DLGAP1: variants seen among roughly 807,000 people sequenced by gnomAD.
DLGAP1 encodes the protein disks large-associated protein 1.
DLGAP1 carries 11 observed loss-of-function variants against 90.8 expected under a neutral mutation model. The ratio of observed to expected loss-of-function variants is 0.12; its 90% CI spans 0.08 to 0.20. DLGAP1 has a LOEUF of 0.20. Ranked by LOEUF, DLGAP1 falls within the 10% of genes least tolerant of loss-of-function variation. DLGAP1 has a pLI of 1.00. For synonymous variants in DLGAP1, 558 were observed against 540.7 expected (o/e 1.03, Z -0.44); for missense variants, 1,050 against 1,333.8 (o/e 0.79, Z 3.31).
At position 4,054,153 on chromosome 18, in the gene DLGAP1, G is replaced by A. The variant is rs149502309; in HGVS notation, c.-158-48952C>T. Reference sequence around the variant, plus strand: ...GAACTTTCTCTCATGATTCTCACTCGCTCCCTGATCTTTTAGGTCTGAATA... The same window carrying A: ...GAACTTTCTCTCATGATTCTCACTCACTCCCTGATCTTTTAGGTCTGAATA... On this transcript the variant is annotated intron_variant, in intron 2 of 12. Transcript: ENST00000315677. Among the ~76,000 whole-genome samples, 692 of 152,208 alleles carry A rather than the reference G, an allele frequency of 4.5e-3. 1 individual carries two copies. The highest frequency in any genetic ancestry group is 6.1e-3 in the Non-Finnish European group (413 of 68,010).
At chr18:4,202,539 G>A (rs943816894) in intron 1 of DLGAP1, among the ~76,000 whole-genome samples, 7 of 152,088 alleles carry the variant, frequency 4.6e-5, no homozygotes, top group African/African-American at 1.7e-4. Flanking sequence ...AAAGATCAAA[G>A]CTAGTTGAAA....
At chr18:3,932,116 A>T (rs1783232152) in intron 3 of DLGAP1, among the ~76,000 whole-genome samples, 1 of 152,176 alleles carries the variant, frequency 6.6e-6, no homozygotes, top group Non-Finnish European at 1.5e-5. Context: ...ATACTTAAGC[A>T]TCCTAATAAG....
chr18:3,633,456 G>C (rs1228328407), intron 7 of DLGAP1, among the ~76,000 whole-genome samples: 1 of 151,938 alleles, frequency 6.6e-6, no homozygotes, highest in Non-Finnish European at 1.5e-5. Flanking sequence ...GATAGGGAGG[G>C]GGAGTGCTTT....
At chr18:3,802,292 T>C (rs13381808) in intron 5 of DLGAP1, among the ~76,000 whole-genome samples, 11 of 152,220 alleles carry the variant, frequency 7.2e-5, no homozygotes, top group African/African-American at 2.6e-4. Flanking sequence ...ACGCAGGCCA[T>C]CTTTCTAAAA....
chr18:4,442,849 C>A (rs372588135), intron 1 of DLGAP1, among the ~76,000 whole-genome samples: 2 of 152,190 alleles, frequency 1.3e-5, no homozygotes, highest in South Asian at 2.1e-4. Context: ...CCGACTGGGA[C>A]GTATGCTCCA....
chr18:3,951,984 C>G (rs1831348006), intron 3 of DLGAP1, among the ~76,000 whole-genome samples: 1 of 152,094 alleles, frequency 6.6e-6, no homozygotes, highest in Non-Finnish European at 1.5e-5. Flanking sequence ...AACTGAGTAT[C>G]AGTTTTACTG....
intron 2 of DLGAP1, among the ~76,000 whole-genome samples, chr18:4,068,073 C>T (rs939112775): frequency 6.6e-6 from 1 of 151,928 alleles, no homozygotes; most frequent in Non-Finnish European, 1.5e-5. Flanking sequence ...ATGATCAAAG[C>T]ACACCCTCCT....
chr18:4,310,912 GGCCTTACAGAACACCGTAGGT>G (rs1171384302), intron 1 of DLGAP1, among the ~76,000 whole-genome samples: 3 of 152,212 alleles, frequency 2.0e-5, no homozygotes, highest in East Asian at 3.9e-4. Flanking sequence ...TTGTTTAGAA[GGCCTTACAGAACACCGTAGGT>G]GCCTTACAGA....
chr18:4,115,448 T>A (rs1476680209), intron 2 of DLGAP1, among the ~76,000 whole-genome samples: 1 of 152,002 alleles, frequency 6.6e-6, no homozygotes, highest in Non-Finnish European at 1.5e-5. Flanking sequence ...TTTCTGTGGA[T>A]TTGAACTACC....
At chr18:3,871,164 C>T (rs1399344829) in intron 4 of DLGAP1, among the ~76,000 whole-genome samples, 1 of 152,238 alleles carries the variant, frequency 6.6e-6, no homozygotes, top group Admixed American at 6.5e-5. Flanking sequence ...CCAGGTTCCA[C>T]TGGCAAGATG....
In DLGAP1 at chr18:4,265,558, CTTCCT is replaced by C. The variant is rs1446505225; in HGVS notation, c.-266-114276_-266-114272del. ...TTCCTTCCCTCCCCTTCCTTCCTTC[CTTCCT>C]TTCCTTTCCTTTTTCTTTGTTTCTT... On this transcript the variant is annotated intron_variant, in intron 1 of 12. Transcript: ENST00000315677. Among the ~76,000 whole-genome samples, 53 of 133,766 alleles carry C rather than the reference CTTCCT, an allele frequency of 4.0e-4. 3 individuals carry two copies. Among genetic ancestry groups the C allele is most frequent in the South Asian group, 1.7e-3 (7 of 4,068 alleles). 87.8% of individuals were successfully genotyped at this position (133,766 alleles called of 152,430 possible).
At chr18:3,582,855 C>G (rs1285359091) in intron 7 of DLGAP1, among the ~76,000 whole-genome samples, 1 of 102,798 alleles carries the variant, frequency 9.7e-6, no homozygotes, top group South Asian at 4.1e-4. Flanking sequence ...CCCCCTCCCT[C>G]CCTCCCTCCT....
intron 1 of DLGAP1, among the ~76,000 whole-genome samples, chr18:4,281,716 C>T (rs1231334758): frequency 6.6e-6 from 1 of 152,048 alleles, no homozygotes; most frequent in Non-Finnish European, 1.5e-5. Context: ...TCAGGCTTTC[C>T]CTCAAAAATA....
rs141923777 is a variant in DLGAP1, at chr18:4,144,567, T to C, written c.-159+6613A>G. On this transcript the variant is annotated intron_variant, in intron 2 of 12. Transcript: ENST00000315677. The stretch of plus-strand genomic sequence containing the variant: ...GATATGAAGTTAACACCAGGTACTG[T>C]GACCACTCACCTGATTTTTAGTTCT... Among the ~76,000 whole-genome samples the C allele has an allele frequency of 1.8e-4, 27 of 152,338 alleles. No homozygotes were observed. The East Asian group carries it at 3.1e-3, about 17-fold the overall frequency.
chr18:4,241,016 A>G (rs1460659489), intron 1 of DLGAP1, among the ~76,000 whole-genome samples: 1 of 152,226 alleles, frequency 6.6e-6, no homozygotes, highest in African/African-American at 2.4e-5. Flanking sequence ...ACTGAGAACT[A>G]AAGGAGAAAA....
intron 1 of DLGAP1, among the ~76,000 whole-genome samples, chr18:4,443,265 C>T (rs2083580325): frequency 6.6e-6 from 1 of 152,178 alleles, no homozygotes; most frequent in South Asian, 2.1e-4. Context: ...AATGTAGCTA[C>T]TTAGCAATTA....
intron 4 of DLGAP1, among the ~76,000 whole-genome samples, chr18:3,821,211 G>T (rs1422286647): frequency 7.0e-6 from 1 of 142,208 alleles, no homozygotes; most frequent in Non-Finnish European, 1.5e-5. Context: ...GATTGCTTGA[G>T]CCCAAGAGTT....
chr18:3,576,073 C>T (rs1015421882), intron 8 of DLGAP1, among the ~76,000 whole-genome samples: 1 of 152,174 alleles, frequency 6.6e-6, no homozygotes, highest in African/African-American at 2.4e-5. Context: ...CCATCTTCTA[C>T]ATTTAGCTGC....
chr18:4,052,372 C>T (rs1210127279), intron 2 of DLGAP1, among the ~76,000 whole-genome samples: 1 of 152,116 alleles, frequency 6.6e-6, no homozygotes, highest in Admixed American at 6.5e-5. Context: ...CTTCTGCGCA[C>T]CCACAGGACC....
Sources: allele counts gnomAD v4.1 joint callset (sites outside exome capture counted in the v4.1 genomes callset), GRCh38; gene constraint gnomAD v4.1.1; transcripts MANE v1.5; gene names NCBI Gene and HGNC (gene_info 2026-07-23, HGNC 2026-07-21).